Variants in LRRC4B observed in about 807,000 individuals in gnomAD.
LRRC4B encodes the protein leucine-rich repeat-containing protein 4B.
LRRC4B carries 1 observed loss-of-function variant against 7.3 expected under a neutral mutation model. The observed-to-expected ratio is 0.14, with a 90% CI of 0.05 to 0.65. LRRC4B has a LOEUF of 0.65. Among genes scored for constraint, LRRC4B ranks in the 30% least tolerant of loss-of-function variants. The pLI, the probability that LRRC4B is intolerant of heterozygous loss-of-function variation, is 0.84. For missense variants in LRRC4B, 730 were observed against 1,041.6 expected (o/e 0.70, Z 4.12); for synonymous variants, 500 against 499.2 (o/e 1.00, Z -0.02).
chr19:50,546,060 C>A (rs1057240774), intron 2 of LRRC4B, among the ~76,000 whole-genome samples: 2 of 149,336 alleles, frequency 1.3e-5, no homozygotes, highest in Non-Finnish European at 3.0e-5. Context: ...CTGGGCCAGG[C>A]GTGGTGGCTC....
At chr19:50,549,346 C>T (rs978976135) in intron 1 of LRRC4B, among the ~76,000 whole-genome samples, 4 of 152,312 alleles carry the variant, frequency 2.6e-5, no homozygotes, top group East Asian at 3.9e-4. Context: ...AACACCCGCC[C>T]GGTCCCCTTG....
intron 2 of LRRC4B, among the ~76,000 whole-genome samples, chr19:50,530,032 G>A (rs1266881201): frequency 1.4e-5 from 2 of 147,602 alleles, no homozygotes; most frequent in Non-Finnish European, 3.0e-5. Context: ...GGCCTTGCCC[G>A]TGGGTCGTGG....
chr19:50,552,695 T>TCCATCCGC, intron 1 of LRRC4B, among the ~76,000 whole-genome samples: 1 of 150,088 alleles, frequency 6.7e-6, no homozygotes, highest in East Asian at 2.0e-4. Flanking sequence ...CATCCGTCCA[T>TCCATCCGC]CCATCCGCCC....
intron 2 of LRRC4B, among the ~76,000 whole-genome samples, chr19:50,546,816 C>T (rs867355567): frequency 1.3e-4 from 20 of 152,152 alleles, no homozygotes; most frequent in Non-Finnish European, 2.1e-4. Context: ...TGGTGAGTGG[C>T]GTGGGTGCCT....
chr19:50,552,104 C>T (rs1343460559), intron 1 of LRRC4B, among the ~76,000 whole-genome samples: 3 of 152,078 alleles, frequency 2.0e-5, no homozygotes, highest in South Asian at 2.1e-4. Context: ...GTGGTTGGGC[C>T]GTGCCAAGCC....
At chr19:50,567,614 G>A (rs958739685) in intron 1 of LRRC4B, among the ~76,000 whole-genome samples, 1 of 151,604 alleles carries the variant, frequency 6.6e-6, no homozygotes, top group African/African-American at 2.4e-5. Flanking sequence ...TACGCCCGGA[G>A]AGCCCCCCAC....
At position 50,548,869 on chromosome 19, in the gene LRRC4B, G is replaced by C. The variant is rs1286187683; in HGVS notation, c.-31C>G. On this transcript the variant is annotated 5_prime_UTR_variant, in exon 2 of 3. Coordinates refer to ENST00000652263, the MANE Select transcript of LRRC4B (RefSeq NM_001080457.2). The surrounding 1 kb of genome is among the most constrained non-coding windows in gnomAD (Gnocchi z 6.8). Reference sequence around the variant, plus strand: ...ATGTTCATGCTCCGCGTGGACGCTGGGGGGCTGTGGGTGGGGGAGAGAAGG... The same window carrying C: ...ATGTTCATGCTCCGCGTGGACGCTGCGGGGCTGTGGGTGGGGGAGAGAAGG... 1 of 1,419,464 alleles carries C rather than the reference G, an allele frequency of 7.0e-7. No individual in the cohort carries two copies. The highest frequency in any genetic ancestry group is 1.4e-5 in the African/African-American group (1 of 69,668). The allele number at this position is 1,419,464 out of a possible 1,614,324, so 87.9% of individuals were successfully genotyped here.
chr19:50,518,756 C>T lies in LRRC4B; in HGVS notation c.957G>A (p.Val319=). Residue 319 remains valine (V), a synonymous_variant, in exon 3 of 3, where the codon GTG becomes GTA. Transcript: ENST00000652263. ...NHNPWHCNCD[V]LWLSWWLKET... Reference sequence around the variant, plus strand: ...CCTTGAGCCACCAGCTCAGCCAGAGCACGTCGCAGTTGCAATGCCAGGGGT... The same window carrying T: ...CCTTGAGCCACCAGCTCAGCCAGAGTACGTCGCAGTTGCAATGCCAGGGGT... 2 of 1,614,092 alleles carry T rather than the reference C, an allele frequency of 1.2e-6. No homozygotes were observed. The highest frequency in any genetic ancestry group is 1.7e-6 in the Non-Finnish European group (2 of 1,179,988).
intron 2 of LRRC4B, among the ~76,000 whole-genome samples, chr19:50,539,869 A>G (rs1332500482): frequency 2.7e-5 from 4 of 148,864 alleles, no homozygotes; most frequent in African/African-American, 7.7e-5. Context: ...CCTGGGGGAC[A>G]GTGCGAGACT....
chr19:50,518,520 G>A lies in LRRC4B; in HGVS notation c.1193C>T (p.Thr398Met), dbSNP rs891529810. The part of the protein sequence containing the change: ...GTSMTSVNWL[T>M]PNGTLMTHGS... ...GTGGGTCATGAGGGTGCCGTTGGGCGTCAGCCAGTTGACGGAGGTCATGGA... is the reference window on the plus strand; with the variant it reads ...GTGGGTCATGAGGGTGCCGTTGGGCATCAGCCAGTTGACGGAGGTCATGGA... The change falls in exon 3 of 3, where the codon ACG becomes ATG. Residue 398 changes from threonine to methionine, a missense_variant. Coordinates refer to ENST00000652263, the MANE Select transcript of LRRC4B (RefSeq NM_001080457.2). 12 of 1,570,564 alleles carry A rather than the reference G, an allele frequency of 7.6e-6. No individual in the cohort carries two copies. The highest frequency in any genetic ancestry group is 1.8e-5 in the Admixed American group (1 of 56,118).
In LRRC4B at chr19:50,548,865, G is replaced by T. The variant is rs780043494; in HGVS notation, c.-27C>A. The T allele has an allele frequency of 3.5e-6, 5 of 1,417,962 alleles. No homozygotes were observed. The highest frequency in any genetic ancestry group is 2.8e-6 in the Non-Finnish European group (3 of 1,084,320). The allele number at this position is 1,417,962 out of a possible 1,614,324, so 87.8% of individuals were successfully genotyped here. ...CTCAATGTTCATGCTCCGCGTGGACGCTGGGGGGCTGTGGGTGGGGGAGAG... is the reference window on the plus strand; with the variant it reads ...CTCAATGTTCATGCTCCGCGTGGACTCTGGGGGGCTGTGGGTGGGGGAGAG... On this transcript the variant is annotated 5_prime_UTR_variant, in exon 2 of 3. Coordinates refer to ENST00000652263, the MANE Select transcript of LRRC4B (RefSeq NM_001080457.2). This position sits in a 1 kb window ranked among gnomAD's most constrained non-coding sequence, Gnocchi z 6.8.
chr19:50,546,680 T>A (rs1308869334), intron 2 of LRRC4B, among the ~76,000 whole-genome samples: 2 of 152,120 alleles, frequency 1.3e-5, no homozygotes, highest in African/African-American at 4.8e-5. Flanking sequence ...CATAAATGAA[T>A]GTACGTCCGC....
rs564960718 is a variant in LRRC4B, at chr19:50,554,690, G to C, written c.-35-5817C>G. 7.9e-5 allele frequency among the ~76,000 whole-genome samples: 12 copies of C among 152,356 alleles called. No homozygotes were observed. In the East Asian group the frequency reaches 2.3e-3, roughly 29 times the overall value. On this transcript the variant is annotated intron_variant, in intron 1 of 2. Transcript: ENST00000652263. ...TAACGTCCAACACACATCTGGCACT[G>C]ACTGGGCACCATTCTGGGAGCTTTA...
At position 50,553,131 on chromosome 19, in the gene LRRC4B, C is replaced by T. The variant is rs994336515; in HGVS notation, c.-35-4258G>A. ...GAATCAGACCCCAGAATCAGAGGAT[C>T]TTTCTCCCCACGCCCAGGCTACTTC... is the stretch of plus-strand genomic sequence containing the variant. On this transcript the variant is annotated intron_variant, in intron 1 of 2. Transcript: ENST00000652263. This position sits in a 1 kb window ranked among gnomAD's most constrained non-coding sequence, Gnocchi z 4.2. Among the ~76,000 whole-genome samples the T allele has an allele frequency of 2.0e-5, 3 of 152,164 alleles. No individual in the cohort carries two copies. Among genetic ancestry groups the T allele is most frequent in the Admixed American group, 1.3e-4 (2 of 15,282 alleles).
At chr19:50,527,526 T>G (rs1980864781) in intron 2 of LRRC4B, among the ~76,000 whole-genome samples, 1 of 151,914 alleles carries the variant, frequency 6.6e-6, no homozygotes, top group Non-Finnish European at 1.5e-5. Context: ...TATACTTGCC[T>G]GGGTCCTGCA....
In LRRC4B at chr19:50,543,716, C is replaced by T. The variant is rs551441659; in HGVS notation, c.297+4826G>A. 9.3e-5 allele frequency among the ~76,000 whole-genome samples: 14 copies of T among 149,992 alleles called. 1 individual carries two copies. In the Middle Eastern group the frequency reaches 0.024, roughly 262 times the overall value. ...GGAAGTACAAAAATTAGCTGAGTGTCGTGGTGGGCACCTGTAGTCTCAGCT... is the reference window on the plus strand; with the variant it reads ...GGAAGTACAAAAATTAGCTGAGTGTTGTGGTGGGCACCTGTAGTCTCAGCT... On this transcript the variant is annotated intron_variant, in intron 2 of 2. Coordinates refer to ENST00000652263, the MANE Select transcript of LRRC4B (RefSeq NM_001080457.2).
Position 50,517,235 on chromosome 19 carries a change from C to A in LRRC4B, c.*336G>T. On this transcript the variant is annotated 3_prime_UTR_variant, in exon 3 of 3. Transcript: ENST00000652263. The surrounding 1 kb of genome is among the most constrained non-coding windows in gnomAD (Gnocchi z 6.6). Reference sequence around the variant, plus strand: ...GGACACCCCTGGAGAAAGCTCCTCTCTCCCCTGGAAGGCGGCGGGCCCGGA... The same window carrying A: ...GGACACCCCTGGAGAAAGCTCCTCTATCCCCTGGAAGGCGGCGGGCCCGGA... 1 of 223,252 alleles carries A rather than the reference C, an allele frequency of 4.5e-6. No homozygotes were observed. Among genetic ancestry groups the A allele is most frequent in the Non-Finnish European group, 8.8e-6 (1 of 114,170 alleles). The allele number at this position is 223,252 out of a possible 1,614,324, so 13.8% of individuals were successfully genotyped here.
intron 1 of LRRC4B, among the ~76,000 whole-genome samples, chr19:50,550,724 A>G (rs1395563315): frequency 1.3e-5 from 2 of 152,020 alleles, no homozygotes; most frequent in Non-Finnish European, 2.9e-5. Context: ...AAAGAGAGAG[A>G]GGTTGATTCT....
intron 2 of LRRC4B, among the ~76,000 whole-genome samples, chr19:50,533,268 T>G: frequency 6.6e-6 from 1 of 152,240 alleles, no homozygotes; most frequent in Non-Finnish European, 1.5e-5. Flanking sequence ...CTGTCTTCTT[T>G]GTATTGACTG....
Sources: gnomAD v4.1 joint callset for allele counts (sites outside exome capture counted in the v4.1 genomes callset) on GRCh38, gnomAD v4.1.1 for gene constraint, Gnocchi (gnomAD v3.1) non-coding constraint, MANE v1.5 for transcripts, NCBI Gene and HGNC (gene_info 2026-07-23, HGNC 2026-07-21) for gene names.